The following GNAQ variants were observed in gnomAD, a reference collection of about 807,000 sequenced individuals.
GNAQ encodes G protein subunit alpha q, also known as guanine nucleotide-binding protein G(q) subunit alpha.
GNAQ carries 8 observed loss-of-function variants against 43.9 expected under a neutral mutation model. The observed-to-expected ratio is 0.18, with a 90% CI of 0.11 to 0.33. The LOEUF (loss-of-function observed/expected upper bound fraction) is 0.33, where lower values mean the gene tolerates loss of function less well. Ranked by LOEUF, GNAQ falls within the 10% of genes least tolerant of loss-of-function variation. The probability of loss-of-function intolerance (pLI) is 1.00; values close to 1 mark genes in which losing one functional copy is unlikely to be tolerated. For missense variants in GNAQ, 158 were observed against 450.8 expected, an observed-to-expected ratio of 0.35 and a Z score of 5.88; for synonymous variants, 155 against 170.7, an observed-to-expected ratio of 0.91 and a Z score of 0.71.
chr9:77,857,601 A>G (rs1827777310), intron 2 of GNAQ, among the ~76,000 whole-genome samples: 1 of 145,050 alleles, frequency 6.9e-6, no homozygotes, highest in African/African-American at 2.6e-5. Context: ...AGGGTAGGGA[A>G]GGAAAGGAGA....
chr9:78,010,293 A>T (rs1478571360), intron 1 of GNAQ, among the ~76,000 whole-genome samples: 2 of 152,214 alleles, frequency 1.3e-5, no homozygotes, highest in African/African-American at 4.8e-5. Flanking sequence ...GGGAGAAACA[A>T]ATGTGTTCCA....
chr9:77,864,170 T>C (rs78535243), intron 2 of GNAQ, among the ~76,000 whole-genome samples: 2 of 125,026 alleles, frequency 1.6e-5, no homozygotes, highest in African/African-American at 3.0e-5. Context: ...GTGCCAGGCT[T>C]TTTTTTTTTT....
At chr9:77,853,774 CAAAAAAAAAAAAA>C (rs34924714) in intron 2 of GNAQ, among the ~76,000 whole-genome samples, 2 of 56,744 alleles carry the variant, frequency 3.5e-5, no homozygotes, top group African/African-American at 6.9e-5. Context: ...AAATTACTAC[CAAAAAAAAAAAAA>C]AAAAAAAAAA....
intron 1 of GNAQ, among the ~76,000 whole-genome samples, chr9:77,963,481 A>G (rs1460802496): frequency 1.3e-5 from 2 of 152,198 alleles, no homozygotes; most frequent in Non-Finnish European, 2.9e-5. Flanking sequence ...AAGAGCCTGA[A>G]GCATTTCTTT....
chr9:77,963,106 T>C (rs1656403181), intron 1 of GNAQ, among the ~76,000 whole-genome samples: 1 of 152,012 alleles, frequency 6.6e-6, no homozygotes. Flanking sequence ...TAAGAACAAA[T>C]GCCAAATTTA....
intron 1 of GNAQ, among the ~76,000 whole-genome samples, chr9:77,981,753 A>G (rs1043990251): frequency 3.3e-5 from 5 of 152,176 alleles, no homozygotes; most frequent in Non-Finnish European, 7.3e-5. Context: ...TCAAGAACTC[A>G]TTAACCAGGT....
chr9:77,991,216 T>G (rs1468997581), intron 1 of GNAQ, among the ~76,000 whole-genome samples: 1 of 152,190 alleles, frequency 6.6e-6, no homozygotes, highest in Non-Finnish European at 1.5e-5. Context: ...TAAAAGGAAT[T>G]TAGATGTACA....
At chr9:77,852,992 C>T (rs1296139135) in intron 2 of GNAQ, among the ~76,000 whole-genome samples, 2 of 152,094 alleles carry the variant, frequency 1.3e-5, no homozygotes, top group African/African-American at 2.4e-5. Flanking sequence ...CCTTCAAGAA[C>T]GTCCAGATGG....
intron 5 of GNAQ, among the ~76,000 whole-genome samples, chr9:77,735,793 T>C (rs892600473): frequency 2.0e-5 from 3 of 152,266 alleles, no homozygotes; most frequent in Admixed American, 2.0e-4. Flanking sequence ...TGTGGCCCAG[T>C]GGTGACAGGC....
intron 1 of GNAQ, among the ~76,000 whole-genome samples, chr9:78,019,478 G>C (rs1823879066): frequency 6.6e-6 from 1 of 152,202 alleles, no homozygotes; most frequent in South Asian, 2.1e-4. Context: ...TGGACCATTA[G>C]AATGTAATTG....
At chr9:77,728,879 A>T (rs1385027023) in intron 5 of GNAQ, among the ~76,000 whole-genome samples, 1 of 152,198 alleles carries the variant, frequency 6.6e-6, no homozygotes, top group South Asian at 2.1e-4. Flanking sequence ...CAAGCAGAAG[A>T]GAGTAATAAT....
At chr9:77,909,279 T>G (rs907809003) in intron 2 of GNAQ, among the ~76,000 whole-genome samples, 1 of 152,194 alleles carries the variant, frequency 6.6e-6, no homozygotes, top group African/African-American at 2.4e-5. Context: ...AGTGTTCCAT[T>G]AATACAATCA....
chr9:77,911,960 C>T (rs1037017411), intron 2 of GNAQ, among the ~76,000 whole-genome samples: 2 of 152,048 alleles, frequency 1.3e-5, no homozygotes, highest in Admixed American at 6.6e-5. Flanking sequence ...GGAAATAAAC[C>T]GAGGCCTCAA....
intron 2 of GNAQ, among the ~76,000 whole-genome samples, chr9:77,874,401 T>G (rs1217491162): frequency 6.6e-6 from 1 of 152,046 alleles, no homozygotes; most frequent in African/African-American, 2.4e-5. Flanking sequence ...CCTCCTCATA[T>G]CTCCCATCCC....
rs1209614910 is a variant in GNAQ at position 77,717,029 on chromosome 9, C to T, written c.*4294G>A. On this transcript the variant is annotated 3_prime_UTR_variant, in exon 7 of 7. Coordinates refer to ENST00000286548, the MANE Select transcript of GNAQ (RefSeq NM_002072.5). The stretch of plus-strand genomic sequence containing the variant: ...ACAGCAGGTGTCTGGCTCCAAAAAT[C>T]TCTAGCTAATCATATACAACTAAGC... 1 of 232,710 alleles carries T rather than the reference C, an allele frequency of 4.3e-6. No homozygotes were observed. Among genetic ancestry groups the T allele is most frequent in the Admixed American group, 5.6e-5 (1 of 17,764 alleles). 14.4% of individuals were successfully genotyped at this position (232,710 alleles called of 1,614,324 possible). A position where few individuals can be genotyped will look rare whatever the true frequency, so the allele number is the denominator to read the frequency against.
chr9:77,769,755 C>T (rs979616491), intron 5 of GNAQ, among the ~76,000 whole-genome samples: 2 of 150,508 alleles, frequency 1.3e-5, no homozygotes, highest in Non-Finnish European at 2.9e-5. Context: ...AGCTCTGCCT[C>T]CTGGGTTCAT....
chr9:77,946,568 T>G (rs1822902057), intron 1 of GNAQ, among the ~76,000 whole-genome samples: 1 of 152,186 alleles, frequency 6.6e-6, no homozygotes, highest in African/African-American at 2.4e-5. Flanking sequence ...GACCCAGCAG[T>G]CGTGCTCCAC....
At chr9:77,955,657 T>G (rs909616814) in intron 1 of GNAQ, among the ~76,000 whole-genome samples, 1 of 152,202 alleles carries the variant, frequency 6.6e-6, no homozygotes, top group Non-Finnish European at 1.5e-5. Context: ...AAGATCAAAA[T>G]AGGTATTTAA....
At chr9:77,818,652 G>A (rs968342189) in intron 2 of GNAQ, among the ~76,000 whole-genome samples, 3 of 152,082 alleles carry the variant, frequency 2.0e-5, no homozygotes, top group South Asian at 2.1e-4. Flanking sequence ...AATATTACAA[G>A]TAACAAGTCA....
Sources: gnomAD v4.1 joint callset for allele counts (sites outside exome capture counted in the v4.1 genomes callset) on GRCh38, gnomAD v4.1.1 for gene constraint, MANE v1.5 for transcripts, NCBI Gene and HGNC (gene_info 2026-07-23, HGNC 2026-07-21) for gene names.